The following CD55 variants were observed in gnomAD, a reference collection of about 807,000 sequenced individuals.
CD55 encodes the protein complement decay-accelerating factor.
Under a neutral mutation model 45.8 loss-of-function variants are expected in CD55, and 41 were observed. The observed-to-expected ratio is 0.90, with a 90% confidence interval of 0.70 to 1.16. The LOEUF (loss-of-function observed/expected upper bound fraction) is 1.16. CD55 is among the 50% of genes most tolerant of loss of function. The pLI is 0.00. For missense variants in CD55, 416 were observed against 469.8 expected, an observed-to-expected ratio of 0.89 and a Z score of 1.06; for synonymous variants, 181 against 181.1, an observed-to-expected ratio of 1.00 and a Z score of 0.01.
chr1:207,333,023 T>C (rs934249086), intron 6 of CD55, among the ~76,000 whole-genome samples: 2 of 152,164 alleles, frequency 1.3e-5, no homozygotes, highest in Non-Finnish European at 2.9e-5. Flanking sequence ...CACTGGAAAT[T>C]GAGGCCCTCA....
intron 9 of CD55, chr1:207,353,966 T>G: frequency 6.6e-7 from 1 of 1,522,898 alleles, no homozygotes; most frequent in Non-Finnish European, 8.8e-7. Context: ...TCCATAACTT[T>G]TTGTTTTCAT....
At chr1:207,329,197 T>C (rs899279623) in intron 5 of CD55, among the ~76,000 whole-genome samples, 2 of 152,202 alleles carry the variant, frequency 1.3e-5, no homozygotes, top group Non-Finnish European at 2.9e-5. Flanking sequence ...GGAGAAGTCG[T>C]AGGACAGGCT....
At chr1:207,334,643 T>C (rs552688852) in intron 6 of CD55, among the ~76,000 whole-genome samples, 29 of 152,148 alleles carry the variant, frequency 1.9e-4, no homozygotes, top group Non-Finnish European at 3.4e-4. Context: ...AATTGACTTA[T>C]AGTCTAATAA....
intron 9 of CD55, 66 bp from the exon 10 acceptor site, chr1:207,359,480 A>G: frequency 7.1e-7 from 1 of 1,402,226 alleles, no homozygotes; most frequent in South Asian, 1.4e-5. Flanking sequence ...AAAAATTTAT[A>G]TTTATCACTA....
intron 6 of CD55, among the ~76,000 whole-genome samples, chr1:207,332,305 T>G (rs1015820499): frequency 3.3e-5 from 5 of 152,210 alleles, no homozygotes; most frequent in Non-Finnish European, 7.4e-5. Flanking sequence ...TTTGATTTTT[T>G]TTATGAACTA....
At chr1:207,342,179 A>T (rs1335335716) in intron 9 of CD55, among the ~76,000 whole-genome samples, 1 of 152,094 alleles carries the variant, frequency 6.6e-6, no homozygotes, top group African/African-American at 2.4e-5. Context: ...TCGTATCATT[A>T]AAAAAGAGGG....
Position 207,322,521 on chromosome 1 carries a change from C to T in CD55, c.240C>T (p.Ile80=), listed in dbSNP as rs1654467308. 2 of 1,614,060 alleles carry T rather than the reference C, an allele frequency of 1.2e-6. No individual in the cohort carries two copies. Among genetic ancestry groups the T allele is most frequent in the Non-Finnish European group, 1.7e-6 (2 of 1,180,002 alleles). The stretch of plus-strand genomic sequence containing the variant: ...TTCCTGGCGAGAAGGACTCAGTGAT[C>T]TGCCTTAAGGGCAGTCAATGGTCAG... ...VKIPGEKDSV[I]CLKGSQWSDI... is the part of the protein sequence containing the mutation. Residue 80 remains isoleucine (I), a synonymous_variant, in exon 2 of 10, where the codon ATC becomes ATT. Coordinates refer to ENST00000367064, the MANE Select transcript of CD55 (RefSeq NM_000574.5).
rs1654701367 is a variant in CD55 at position 207,326,761 on chromosome 1, A to G, written c.588A>G (p.Leu196=). ...TCCCCTGTTGCTTTAGGTACAAATT[A>G]TTTGGCTCGACTTCTAGTTTTTGTC... ...ISFSCNTGYK[L]FGSTSSFCLI... Residue 196 remains leucine, a synonymous_variant, in exon 5 of 10, where the codon TTA becomes TTG. Coordinates refer to ENST00000367064, the MANE Select transcript of CD55 (RefSeq NM_000574.5). The G allele has an allele frequency of 6.2e-7, 1 of 1,613,490 alleles. No homozygotes were observed. Among genetic ancestry groups the G allele is most frequent in the Non-Finnish European group, 8.5e-7 (1 of 1,179,508 alleles).
At chr1:207,337,590 A>G (rs1380676031) in intron 8 of CD55, 181 bp downstream of exon 8, 9 of 425,476 alleles carry the variant, frequency 2.1e-5, no homozygotes, top group Middle Eastern at 5.1e-4. Context: ...AATCTTTAAA[A>G]AAAGAAACAT....
intron 9 of CD55, among the ~76,000 whole-genome samples, chr1:207,350,677 A>G (rs1655833084): frequency 6.6e-6 from 1 of 151,930 alleles, no homozygotes; most frequent in Admixed American, 6.6e-5. Context: ...GGTGTTTTGT[A>G]TTTCTGTGGG....
intron 9 of CD55, chr1:207,347,644 T>C (rs1358956143): frequency 5.3e-6 from 1 of 188,592 alleles, no homozygotes; most frequent in Non-Finnish European, 1.1e-5. Flanking sequence ...AAATTGTGTG[T>C]CATTAGGGTT....
Position 207,331,133 on chromosome 1 carries a change from A to C in CD55, c.690A>C (p.Gln230His). Residue 230 changes from glutamine (Q) to histidine (H), a missense_variant, in exon 6 of 10, where the codon CAA becomes CAC. Gln to His is a conservative substitution (Grantham distance 24). This residue lies in a region of CD55 where 182 missense variants were observed against 201.4 expected (regional missense o/e 0.90). Coordinates refer to ENST00000367064, the MANE Select transcript of CD55 (RefSeq NM_000574.5). ...AAATTTATTGTCCAGCACCACCACA[A>C]ATTGACAATGGAATAATTCAAGGGG... ...CREIYCPAPP[Q>H]IDNGIIQGER... The C allele has an allele frequency of 6.2e-7, 1 of 1,613,014 alleles. No individual in the cohort carries two copies. The highest frequency in any genetic ancestry group is 1.3e-5 in the African/African-American group (1 of 75,018).
chr1:207,322,634 C>T (rs1276679743), intron 2 of CD55, 67 bp downstream of exon 2: 2 of 1,309,076 alleles, frequency 1.5e-6, no homozygotes, highest in Non-Finnish European at 1.1e-6. Context: ...TTTTATATAC[C>T]TTTGGAGTGA....
At chr1:207,357,821 CTA>C (rs1656134329) in intron 9 of CD55, among the ~76,000 whole-genome samples, 1 of 152,036 alleles carries the variant, frequency 6.6e-6, no homozygotes, top group Non-Finnish European at 1.5e-5. Flanking sequence ...GTGCCTAACC[CTA>C]TATATGCTGT....
chr1:207,322,631 T>A, intron 2 of CD55, 64 bp downstream of exon 2: 1 of 1,369,258 alleles, frequency 7.3e-7, no homozygotes. Flanking sequence ...TATTTTTATA[T>A]ACCTTTGGAG....
At chr1:207,326,042 A>C (rs1312393128) in intron 4 of CD55, among the ~76,000 whole-genome samples, 1 of 152,162 alleles carries the variant, frequency 6.6e-6, no homozygotes, top group Non-Finnish European at 1.5e-5. Context: ...TAAATACTAA[A>C]CCAATCTTTA....
intron 2 of CD55, among the ~76,000 whole-genome samples, chr1:207,323,235 GGAGATATATATAGGGA>G (rs1654509712): frequency 1.3e-5 from 2 of 150,266 alleles, no homozygotes; most frequent in African/African-American, 4.9e-5. Context: ...ATATATATAA[GGAGATATATATAGGGA>G]GAGATATATA....
intron 6 of CD55, 146 bp from the exon 7 acceptor site, chr1:207,336,547 T>C: frequency 1.2e-6 from 1 of 849,900 alleles, no homozygotes; most frequent in Non-Finnish European, 1.8e-6. Flanking sequence ...CCTTGAGAAA[T>C]ACTCAATAAG....
At chr1:207,328,968 A>G (rs1431544729) in intron 5 of CD55, among the ~76,000 whole-genome samples, 1 of 152,208 alleles carries the variant, frequency 6.6e-6, no homozygotes, top group Non-Finnish European at 1.5e-5. Flanking sequence ...TCTGGTGCAC[A>G]TAAGCGGACA....
Sources: allele counts gnomAD v4.1 joint callset (sites outside exome capture counted in the v4.1 genomes callset), GRCh38; gene constraint gnomAD v4.1.1; regional missense constraint gnomAD v4.1.1; transcripts MANE v1.5; gene names NCBI Gene and HGNC (gene_info 2026-07-23, HGNC 2026-07-21).